Variants in C12orf56 observed in about 807,000 individuals in gnomAD.
C12orf56 encodes uncharacterized protein C12orf56.
In C12orf56, 71 loss-of-function variants were observed where a neutral mutation model predicts 69.9. The ratio of observed to expected loss-of-function variants is 1.02; its 90% confidence interval spans 0.84 to 1.24. C12orf56 has a LOEUF of 1.24. Ranked by LOEUF, C12orf56 falls within the 50% of genes most tolerant of loss-of-function variation. The probability of loss-of-function intolerance (pLI) is 0.00; values close to 1 mark genes in which losing one functional copy is unlikely to be tolerated. For missense variants in C12orf56, 732 were observed against 738.5 expected, an observed-to-expected ratio of 0.99 and a Z score of 0.10; for synonymous variants, 276 against 274.1, an observed-to-expected ratio of 1.01 and a Z score of -0.07.
intron 6 of C12orf56, among the ~76,000 whole-genome samples, chr12:64,296,598 T>G (rs186109245): frequency 6.6e-6 from 1 of 152,316 alleles, no homozygotes; most frequent in East Asian, 1.9e-4. Context: ...GATGCTGGAA[T>G]GAATTAAGAT....
At chr12:64,345,721 C>T (rs184603963) in intron 2 of C12orf56, among the ~76,000 whole-genome samples, 2 of 152,182 alleles carry the variant, frequency 1.3e-5, no homozygotes, top group Admixed American at 6.5e-5. Context: ...AGATAGAATC[C>T]CTGAGTTTAT....
intron 3 of C12orf56, among the ~76,000 whole-genome samples, chr12:64,320,936 C>A (rs907567743): frequency 1.3e-5 from 2 of 152,190 alleles, no homozygotes; most frequent in Non-Finnish European, 2.9e-5. Context: ...TTGAAACAAG[C>A]AATCCAATTT....
chr12:64,295,346 T>C (rs936313229), intron 6 of C12orf56, among the ~76,000 whole-genome samples: 1 of 152,158 alleles, frequency 6.6e-6, no homozygotes, highest in Non-Finnish European at 1.5e-5. Context: ...CTTCTAAAAC[T>C]TGGAGTTTAG....
chr12:64,381,987 C>T (rs996657138), intron 1 of C12orf56, among the ~76,000 whole-genome samples: 8 of 152,036 alleles, frequency 5.3e-5, no homozygotes, highest in Non-Finnish European at 8.8e-5. Flanking sequence ...CTCAGCAGGG[C>T]GCGGTGGCTC....
At position 64,319,101 on chromosome 12, in the gene C12orf56, A is replaced by G. The variant is rs547966160; in HGVS notation, c.489-121T>C. 1.0e-4 allele frequency: 105 copies of G among 1,035,394 alleles called. 3 individuals carry two copies. In the South Asian group the frequency reaches 2.2e-3, roughly 21 times the overall value. The allele number at this position is 1,035,394 out of a possible 1,614,324, so 64.1% of individuals were successfully genotyped here. A position where few individuals can be genotyped will look rare whatever the true frequency, so the allele number is the denominator to read the frequency against. ...TCACAAAAGGAATGCTTGTTAAAAC[A>G]AGGAAGTCATTGAACCTCGCTGGTA... On this transcript the variant is annotated intron_variant, in intron 3 of 12. Coordinates refer to ENST00000543942, the MANE Select transcript of C12orf56 (RefSeq NM_001170633.2).
intron 9 of C12orf56, among the ~76,000 whole-genome samples, chr12:64,276,086 GATAA>G (rs1201311435): frequency 1.3e-5 from 2 of 152,008 alleles, no homozygotes; most frequent in African/African-American, 4.8e-5. Context: ...CTGTGGGATG[GATAA>G]ATAGAGGGTT....
At chr12:64,297,040 G>GCAA (rs1299904845) in intron 6 of C12orf56, among the ~76,000 whole-genome samples, 1 of 152,054 alleles carries the variant, frequency 6.6e-6, no homozygotes, top group Non-Finnish European at 1.5e-5. Context: ...CTCTGTTATA[G>GCAA]CAACACAAAA....
At chr12:64,319,810 G>A (rs910897924) in intron 3 of C12orf56, among the ~76,000 whole-genome samples, 1 of 152,190 alleles carries the variant, frequency 6.6e-6, no homozygotes, top group Non-Finnish European at 1.5e-5. Context: ...GACAATGATC[G>A]GGATATAAAC....
At chr12:64,350,585 C>A (rs985552892) in intron 2 of C12orf56, among the ~76,000 whole-genome samples, 3 of 152,178 alleles carry the variant, frequency 2.0e-5, no homozygotes, top group Admixed American at 6.5e-5. Flanking sequence ...AGTCCCCATA[C>A]AGGGTTCCTA....
chr12:64,270,184 T>G (rs1307711911), intron 12 of C12orf56, among the ~76,000 whole-genome samples: 1 of 151,690 alleles, frequency 6.6e-6, no homozygotes. Context: ...GATCATCAGG[T>G]TAGGAGTTCG....
At chr12:64,304,736 T>G (rs2038489339) in intron 5 of C12orf56, among the ~76,000 whole-genome samples, 1 of 152,088 alleles carries the variant, frequency 6.6e-6, no homozygotes, top group Non-Finnish European at 1.5e-5. Context: ...CTGGCCTGAG[T>G]GCTTTCCGTA....
At chr12:64,305,885 A>G (rs1447809817) in intron 5 of C12orf56, among the ~76,000 whole-genome samples, 2 of 152,212 alleles carry the variant, frequency 1.3e-5, no homozygotes, top group African/African-American at 2.4e-5. Flanking sequence ...AGTTTTTACA[A>G]ACAAAAGAGC....
chr12:64,371,587 T>G (rs1040125840), intron 1 of C12orf56, among the ~76,000 whole-genome samples: 13 of 151,870 alleles, frequency 8.6e-5, no homozygotes, highest in African/African-American at 2.9e-4. Context: ...TTCCAGCACT[T>G]TGGGAGGCCG....
At chr12:64,324,011 C>G (rs993692322) in intron 3 of C12orf56, among the ~76,000 whole-genome samples, 1 of 152,144 alleles carries the variant, frequency 6.6e-6, no homozygotes, top group Non-Finnish European at 1.5e-5. Flanking sequence ...ACTCAGTGCC[C>G]TGCTACAAGG....
At chr12:64,299,838 G>A (rs1301688657) in intron 6 of C12orf56, among the ~76,000 whole-genome samples, 1 of 152,174 alleles carries the variant, frequency 6.6e-6, no homozygotes, top group Non-Finnish European at 1.5e-5. Flanking sequence ...GAAGTGCTAT[G>A]AAAGATGTCA....
At chr12:64,269,139 C>CAAAAAA (rs5798737) in intron 12 of C12orf56, among the ~76,000 whole-genome samples, 1 of 142,014 alleles carries the variant, frequency 7.0e-6, no homozygotes, top group Non-Finnish European at 1.5e-5. Context: ...GACCCTGTGT[C>CAAAAAA]AAAAAAAAAA....
At chr12:64,344,157 G>A (rs934106134) in intron 2 of C12orf56, among the ~76,000 whole-genome samples, 2 of 152,150 alleles carry the variant, frequency 1.3e-5, no homozygotes, top group South Asian at 4.1e-4. Context: ...CAAATGCACA[G>A]TTACCCTGCT....
At chr12:64,308,980 G>GAAAGAAAAGAAAAGAAAGAAAGA (rs138989331) in intron 5 of C12orf56, among the ~76,000 whole-genome samples, 1 of 121,588 alleles carries the variant, frequency 8.2e-6, no homozygotes, top group Non-Finnish European at 1.8e-5. Context: ...AGAAAAGAAA[G>GAAAGAAAAGAAAAGAAAGAAAGA]AAAGAAAAGA....
At chr12:64,274,324 C>T (rs184417742) in intron 11 of C12orf56, among the ~76,000 whole-genome samples, 55 of 152,330 alleles carry the variant, frequency 3.6e-4, no homozygotes, top group African/African-American at 1.3e-3. Context: ...AAGCTGTCGG[C>T]CATAGCACGC....
Sources: gnomAD v4.1 joint callset for allele counts (sites outside exome capture counted in the v4.1 genomes callset) on GRCh38, gnomAD v4.1.1 for gene constraint, MANE v1.5 for transcripts, NCBI Gene and HGNC (gene_info 2026-07-23, HGNC 2026-07-21) for gene names.